Variants in CYP4Z1 observed in about 807,000 individuals in gnomAD.
CYP4Z1 encodes the protein cytochrome P450 4Z1.
Under a neutral mutation model 54.2 loss-of-function variants are expected in CYP4Z1, and 41 were observed. The ratio of observed to expected loss-of-function variants is 0.76; its 90% CI spans 0.59 to 0.98. CYP4Z1 has a LOEUF of 0.98. Among genes scored for constraint, CYP4Z1 ranks in the 50% least tolerant of loss-of-function variants. CYP4Z1 has a pLI of 0.00. For missense variants in CYP4Z1, 513 were observed against 599.0 expected, an observed-to-expected ratio of 0.86 and a Z score of 1.50; for synonymous variants, 163 against 206.2, an observed-to-expected ratio of 0.79 and a Z score of 1.79.
chr1:47,089,357 G>C (rs1158971330), intron 6 of CYP4Z1, among the ~76,000 whole-genome samples: 1 of 151,818 alleles, frequency 6.6e-6, no homozygotes, highest in Non-Finnish European at 1.5e-5. Context: ...ATATGTGCAG[G>C]ATGTGCAGGA....
chr1:47,089,067 T>C (rs1449073982), intron 6 of CYP4Z1, among the ~76,000 whole-genome samples: 1 of 149,558 alleles, frequency 6.7e-6, no homozygotes, highest in Non-Finnish European at 1.5e-5. Flanking sequence ...TAACTATTTG[T>C]TTTCTATTTA....
In CYP4Z1 at chr1:47,094,644, T is replaced by A; in HGVS notation, c.851T>A (p.Phe284Tyr). Reference sequence around the variant, plus strand: ...ACTACTCAGAAAAGGCGCTGGGATTTTCTGGACATACTTTTGAGTGCCAAA... The same window carrying A: ...ACTACTCAGAAAAGGCGCTGGGATTATCTGGACATACTTTTGAGTGCCAAA... ...QDTTQKRRWD[F>Y]LDILLSAKSE... The change falls in exon 7 of 12, where the codon TTT becomes TAT. Residue 284 changes from phenylalanine to tyrosine, a missense_variant. Physicochemically the swap from Phe to Tyr is conservative, Grantham distance 22. Coordinates refer to ENST00000334194, the MANE Select transcript of CYP4Z1 (RefSeq NM_178134.3). 2.5e-6 allele frequency: 4 copies of A among 1,611,362 alleles called. 1 individual carries two copies. In the South Asian group the frequency reaches 4.4e-5, roughly 18 times the overall value.
intron 8 of CYP4Z1, among the ~76,000 whole-genome samples, chr1:47,101,824 A>G (rs1208536023): frequency 6.6e-6 from 1 of 152,202 alleles, no homozygotes; most frequent in African/African-American, 2.4e-5. Flanking sequence ...TTATAAAGAA[A>G]TTTGTCTAGA....
At chr1:47,060,376 G>A in the CYP4Z1 span, among the ~76,000 whole-genome samples, 1 of 152,102 alleles carries the variant, frequency 6.6e-6, no homozygotes, top group African/African-American at 2.4e-5. Context: ...AATCTACCGA[G>A]CAAATGGACA....
In CYP4Z1 at chr1:47,099,085, A is replaced by AT; in HGVS notation, c.877-3dup. 1 of 1,614,030 alleles carries AT rather than the reference A, an allele frequency of 6.2e-7. No homozygotes were observed. The highest frequency in any genetic ancestry group is 1.1e-5 in the South Asian group (1 of 91,070). ...AGCTTTGGATAAAGATCATCACTGTATTTTTTAGAGCGAAAACACCAAAGA... is the reference window on the plus strand; with the variant it reads ...AGCTTTGGATAAAGATCATCACTGTATTTTTTTAGAGCGAAAACACCAAAGA... On this transcript the variant is annotated splice_polypyrimidine_tract_variant and intron_variant, in intron 7 of 11. Coordinates refer to ENST00000334194, the MANE Select transcript of CYP4Z1 (RefSeq NM_178134.3).
chr1:47,055,615 C>G, the CYP4Z1 span, among the ~76,000 whole-genome samples: 2 of 152,140 alleles, frequency 1.3e-5, no homozygotes, highest in Non-Finnish European at 2.9e-5. Context: ...CTGGTCTATT[C>G]AGAGATTCAA....
At chr1:47,091,339 A>G (rs1164487058) in intron 6 of CYP4Z1, among the ~76,000 whole-genome samples, 1 of 142,794 alleles carries the variant, frequency 7.0e-6, no homozygotes. Flanking sequence ...CGGCTATCTT[A>G]TTTGTTCCCT....
At chr1:47,095,962 A>T (rs914652659) in intron 7 of CYP4Z1, among the ~76,000 whole-genome samples, 1 of 152,208 alleles carries the variant, frequency 6.6e-6, no homozygotes, top group African/African-American at 2.4e-5. Context: ...AGGGACCAAA[A>T]TAAATAAATA....
At chr1:47,100,573 A>T (rs1034880561) in intron 8 of CYP4Z1, among the ~76,000 whole-genome samples, 15 of 152,292 alleles carry the variant, frequency 9.8e-5, no homozygotes, top group African/African-American at 2.9e-4. Context: ...ATCAGTTGTC[A>T]TGGTATCACA....
At chr1:47,057,230 G>T in the CYP4Z1 span, among the ~76,000 whole-genome samples, 1 of 149,370 alleles carries the variant, frequency 6.7e-6, no homozygotes, top group Non-Finnish European at 1.5e-5. Context: ...TTTTCTTTAA[G>T]AATGTTGAAT....
At position 47,068,623 on chromosome 1, in the gene CYP4Z1, T is replaced by C. The variant is rs753212900; in HGVS notation, c.179T>C (p.Phe60Ser). ...PAHWFYGHKE[F>S]YPVKEFEVYH... The stretch of plus-strand genomic sequence containing the variant: ...CAGTCATGACTTATCTTATGACAGT[T>C]TTACCCAGTAAAGGAGTTTGAGGTG... The change falls in exon 2 of 12, where the codon TTT (phenylalanine) becomes TCT (serine). Residue 60 changes from phenylalanine (F) to serine (S), a missense_variant and splice_region_variant. By Grantham distance (155) the Phe-to-Ser change is radical. Coordinates refer to ENST00000334194, the MANE Select transcript of CYP4Z1 (RefSeq NM_178134.3). 8.7e-6 allele frequency: 14 copies of C among 1,613,846 alleles called. No individual in the cohort carries two copies. Among genetic ancestry groups the C allele is most frequent in the East Asian group, 2.2e-5 (1 of 44,890 alleles).
chr1:47,088,272 A>C (rs573321033), intron 6 of CYP4Z1, among the ~76,000 whole-genome samples: 1 of 152,078 alleles, frequency 6.6e-6, no homozygotes, highest in African/African-American at 2.4e-5. Flanking sequence ...AAGGAATGGT[A>C]CCAGCTCCTC....
At chr1:47,057,335 A>AAAAAAAAAAAATATATATATAT in the CYP4Z1 span, among the ~76,000 whole-genome samples, 1 of 28,488 alleles carries the variant, frequency 3.5e-5, no homozygotes, top group Non-Finnish European at 8.4e-5. Flanking sequence ...AAGAAAAAAA[A>AAAAAAAAAAAATATATATATAT]ATATATATAT....
At chr1:47,087,006 A>C (rs1644600466) in intron 6 of CYP4Z1, among the ~76,000 whole-genome samples, 1 of 152,018 alleles carries the variant, frequency 6.6e-6, no homozygotes, top group Non-Finnish European at 1.5e-5. Context: ...ATGGGTGTAC[A>C]TGTGTGGTAT....
rs199709621 is a variant in CYP4Z1, at chr1:47,067,679, A to T, written c.177+12A>T. On this transcript the variant is annotated intron_variant, in intron 1 of 11. Transcript: ENST00000334194. ...ATGGCCACAAGGAGGTAAGAGGAGA[A>T]AATTAGTTGGGGAGGTTAAGGGACA... The T allele has an allele frequency of 3.6e-4, 569 of 1,588,072 alleles. No individual in the cohort carries two copies. The highest frequency in any genetic ancestry group is 4.7e-4 in the Non-Finnish European group (546 of 1,163,800).
chr1:47,057,690 A>G, the CYP4Z1 span, among the ~76,000 whole-genome samples: 1 of 151,712 alleles, frequency 6.6e-6, no homozygotes, highest in Non-Finnish European at 1.5e-5. Flanking sequence ...TTTCCTGTCT[A>G]TTCACTCATT....
upstream of CYP4Z1, among the ~76,000 whole-genome samples, chr1:47,064,601 T>C (rs906817160): frequency 3.3e-5 from 5 of 152,026 alleles, no homozygotes; most frequent in African/African-American, 9.7e-5. Context: ...CCTTAAAGCA[T>C]AAATCTCACA....
chr1:47,079,445 C>G (rs1170570399), intron 2 of CYP4Z1, among the ~76,000 whole-genome samples: 1 of 152,140 alleles, frequency 6.6e-6, no homozygotes, highest in African/African-American at 2.4e-5. Context: ...TCCTAATCCA[C>G]CATTTTTCCT....
intron 2 of CYP4Z1, among the ~76,000 whole-genome samples, chr1:47,077,924 T>TA (rs1027050171): frequency 1.1e-4 from 17 of 152,146 alleles, no homozygotes; most frequent in African/African-American, 3.9e-4. Context: ...CAGCCTGTCA[T>TA]ATATATTTTA....
Sources: gnomAD v4.1 joint callset for allele counts (sites outside exome capture counted in the v4.1 genomes callset) on GRCh38, gnomAD v4.1.1 for gene constraint, MANE v1.5 for transcripts, NCBI Gene and HGNC (gene_info 2026-07-23, HGNC 2026-07-21) for gene names.